The following DNM2 variants were observed in gnomAD, a reference collection of about 807,000 sequenced individuals.
The protein encoded by DNM2 is dynamin-2.
In DNM2, 15 loss-of-function variants were observed where a neutral mutation model predicts 99.0. The observed-to-expected ratio is 0.15, with a 90% CI of 0.10 to 0.23. DNM2 has a LOEUF of 0.23. DNM2 is among the 10% of genes least tolerant of loss of function. The pLI is 1.00. For missense variants in DNM2, 742 were observed against 1,189.4 expected (o/e 0.62, Z 5.53); for synonymous variants, 525 against 481.2 (o/e 1.09, Z -1.19).
intron 1 of DNM2, among the ~76,000 whole-genome samples, chr19:10,749,515 G>A (rs1222062628): frequency 6.6e-6 from 1 of 152,252 alleles, no homozygotes. Context: ...GGCCAAGCCG[G>A]TGGCTGGGCC....
chr19:10,791,183 G>A (rs1005036028), intron 7 of DNM2, among the ~76,000 whole-genome samples: 2 of 151,942 alleles, frequency 1.3e-5, no homozygotes, highest in Non-Finnish European at 2.9e-5. Flanking sequence ...GGACCTCCTG[G>A]GCTCAAGCAA....
At position 10,812,122 on chromosome 19, in the gene DNM2, A is replaced by C; in HGVS notation, c.1558-142A>C. The C allele has an allele frequency of 3.0e-6, 2 of 662,022 alleles. No homozygotes were observed. The highest frequency in any genetic ancestry group is 3.5e-5 in the East Asian group (1 of 28,850). 41.0% of individuals were successfully genotyped at this position (662,022 alleles called of 1,614,324 possible). On this transcript the variant is annotated intron_variant, in intron 14 of 20. Coordinates refer to ENST00000389253, the MANE Select transcript of DNM2 (RefSeq NM_001005361.3). This position sits in a 1 kb window ranked among gnomAD's most constrained non-coding sequence, Gnocchi z 4.0. ...CTGGAAATGCTTGGGACAGGGTGGA[A>C]CTGGGTTTCCTGGGCTTTGGGGCTG...
chr19:10,783,093 G>A lies in DNM2; in HGVS notation c.822G>A (p.Thr274=), dbSNP rs201763720. The A allele has an allele frequency of 8.2e-5, 132 of 1,612,928 alleles. No individual in the cohort carries two copies. The highest frequency in any genetic ancestry group is 2.5e-4 in the Admixed American group (15 of 60,006). Residue 274 remains threonine (T), a synonymous_variant, in exon 6 of 21, where the codon ACG becomes ACA. Coordinates refer to ENST00000389253, the MANE Select transcript of DNM2 (RefSeq NM_001005361.3). ...AYRHMADRMG[T]PHLQKTLNQQ... ...GGCACATGGCCGACCGCATGGGCAC[G>A]CCACATCTGCAGAAGACGCTGAATC... is the stretch of plus-strand genomic sequence containing the variant.
chr19:10,742,820 A>G (rs2069803942), intron 1 of DNM2, among the ~76,000 whole-genome samples: 1 of 151,990 alleles, frequency 6.6e-6, no homozygotes, highest in Non-Finnish European at 1.5e-5. Flanking sequence ...CATCTGCAAA[A>G]CAGGGTTGGC....
intron 15 of DNM2, among the ~76,000 whole-genome samples, chr19:10,815,275 G>T (rs1009713447): frequency 6.6e-6 from 1 of 152,204 alleles, no homozygotes; most frequent in African/African-American, 2.4e-5. Context: ...GGGCCTCTGT[G>T]TGTGGGAACT....
intron 4 of DNM2, among the ~76,000 whole-genome samples, chr19:10,776,438 G>T (rs569617831): frequency 9.2e-4 from 140 of 152,260 alleles, no homozygotes; most frequent in Non-Finnish European, 1.6e-3. Context: ...GGGGCCCCAG[G>T]GAGGGCACAG....
Position 10,812,382 on chromosome 19 carries a change from G to C in DNM2, c.1671+5G>C. On this transcript the variant is annotated splice_donor_5th_base_variant and intron_variant, in intron 15 of 20. Coordinates refer to ENST00000389253, the MANE Select transcript of DNM2 (RefSeq NM_001005361.3). The surrounding 1 kb of genome is among the most constrained non-coding windows in gnomAD (Gnocchi z 4.0). ...TCCTGGTACAAGGATGAGGAGGTGA[G>C]TGGCAGGCGGGAGCAGGGCTGCTGG... is the stretch of plus-strand genomic sequence containing the variant. The C allele has an allele frequency of 6.2e-7, 1 of 1,600,802 alleles. No individual in the cohort carries two copies. The highest frequency in any genetic ancestry group is 8.5e-7 in the Non-Finnish European group (1 of 1,173,004).
At chr19:10,791,053 A>C (rs991636387) in intron 7 of DNM2, among the ~76,000 whole-genome samples, 3 of 151,736 alleles carry the variant, frequency 2.0e-5, no homozygotes, top group Non-Finnish European at 4.4e-5. Flanking sequence ...GACGTGAACC[A>C]CCACGCCTGG....
intron 7 of DNM2, among the ~76,000 whole-genome samples, chr19:10,790,763 C>T (rs534510561): frequency 3.3e-5 from 5 of 152,208 alleles, no homozygotes; most frequent in Non-Finnish European, 5.9e-5. Context: ...CCACCATGCC[C>T]GGACCTCATG....
chr19:10,808,543 A>G (rs767290883), intron 13 of DNM2, 26 bp from the exon 14 acceptor site: 2 of 1,610,544 alleles, frequency 1.2e-6, no homozygotes, highest in African/African-American at 2.7e-5. Context: ...TGATTTACCC[A>G]CAACCCTAAC....
chr19:10,752,211 GAAAGGAA>G (rs2070221510), intron 1 of DNM2, among the ~76,000 whole-genome samples: 2 of 152,112 alleles, frequency 1.3e-5, no homozygotes, highest in Non-Finnish European at 2.9e-5. Context: ...AACAAAGCCA[GAAAGGAA>G]AAAGGAAAAA....
In DNM2 at chr19:10,720,873, G is replaced by A. The variant is rs561892043; in HGVS notation, c.161+2470G>A. On this transcript the variant is annotated intron_variant, in intron 1 of 20. Coordinates refer to ENST00000389253, the MANE Select transcript of DNM2 (RefSeq NM_001005361.3). ...CTAACCAGAATGAAAGTGCTTTCAC[G>A]TTACACACTTAAGCCTTATGAGGGA... Among the ~76,000 whole-genome samples, 5 of 152,280 alleles carry A rather than the reference G, an allele frequency of 3.3e-5. No homozygotes were observed. In the South Asian group the frequency reaches 6.2e-4, roughly 19 times the overall value.
chr19:10,814,315 T>TA (rs1229935087), intron 15 of DNM2, among the ~76,000 whole-genome samples: 1 of 151,916 alleles, frequency 6.6e-6, no homozygotes, highest in Non-Finnish European at 1.5e-5. Context: ...AAATACAAAA[T>TA]TAATCTGGCG....
At chr19:10,793,584 G>T (rs1049893966) in intron 7 of DNM2, 136 bp from the exon 8 acceptor site, 3 of 1,531,106 alleles carry the variant, frequency 2.0e-6, no homozygotes, top group African/African-American at 1.4e-5. Context: ...TGGTTTATTT[G>T]TCTTAATATA....
At chr19:10,725,406 A>C (rs1599418442) in intron 1 of DNM2, among the ~76,000 whole-genome samples, 2 of 150,554 alleles carry the variant, frequency 1.3e-5, no homozygotes, top group Non-Finnish European at 3.0e-5. Context: ...AGATCACGCC[A>C]TTGCACTCCA....
Position 10,795,506 on chromosome 19 carries a change from G to T in DNM2, c.1196+67G>T. The T allele has an allele frequency of 6.4e-7, 1 of 1,571,828 alleles. No individual in the cohort carries two copies. The highest frequency in any genetic ancestry group is 1.7e-5 in the Admixed American group (1 of 59,900). On this transcript the variant is annotated intron_variant, in intron 9 of 20. Coordinates refer to ENST00000389253, the MANE Select transcript of DNM2 (RefSeq NM_001005361.3). The surrounding 1 kb of genome is among the most constrained non-coding windows in gnomAD (Gnocchi z 4.2). Reference sequence around the variant, plus strand: ...GTGGTGCGACCCCCCAGCTAATTGGGTCACCCACACCTCTGAGTCCCTAAT... The same window carrying T: ...GTGGTGCGACCCCCCAGCTAATTGGTTCACCCACACCTCTGAGTCCCTAAT...
chr19:10,760,692 C>T (rs2070592665), intron 2 of DNM2, among the ~76,000 whole-genome samples: 1 of 151,948 alleles, frequency 6.6e-6, no homozygotes, highest in South Asian at 2.1e-4. Flanking sequence ...GACAGGGTCT[C>T]ACTCTGTTCC....
At chr19:10,753,908 C>T (rs1232903348) in intron 1 of DNM2, among the ~76,000 whole-genome samples, 3 of 152,112 alleles carry the variant, frequency 2.0e-5, no homozygotes, top group African/African-American at 7.2e-5. Flanking sequence ...CCACCCACCT[C>T]GGCCTCTGAA....
intron 7 of DNM2, among the ~76,000 whole-genome samples, chr19:10,790,151 C>T (rs752633258): frequency 3.9e-4 from 60 of 152,344 alleles, no homozygotes; most frequent in Middle Eastern, 3.4e-3. Context: ...ACGGGAATTA[C>T]GGTAATAGAC....
Sources: gnomAD v4.1 joint callset for allele counts (sites outside exome capture counted in the v4.1 genomes callset) on GRCh38, gnomAD v4.1.1 for gene constraint, Gnocchi (gnomAD v3.1) non-coding constraint, MANE v1.5 for transcripts, NCBI Gene and HGNC (gene_info 2026-07-23, HGNC 2026-07-21) for gene names.